The following USP35 variants were observed in gnomAD, a reference collection of about 807,000 sequenced individuals.
The protein encoded by USP35 is ubiquitin carboxyl-terminal hydrolase 35.
A neutral mutation model predicts 83.8 loss-of-function variants in USP35; 69 were observed. The ratio of observed to expected loss-of-function variants is 0.82; its 90% CI spans 0.68 to 1.01. The LOEUF is 1.01. Among genes scored for constraint, USP35 ranks in the 50% least tolerant of loss-of-function variants. The probability of loss-of-function intolerance (pLI) is 0.00; values close to 1 mark genes in which losing one functional copy is unlikely to be tolerated. For synonymous variants in USP35, 714 were observed against 589.5 expected (o/e 1.21, Z -3.06); for missense variants, 1,503 against 1,362.5 (o/e 1.10, Z -1.62).
intron 1 of USP35, among the ~76,000 whole-genome samples, chr11:78,191,166 T>C (rs199691129): frequency 1.3e-5 from 2 of 151,454 alleles, no homozygotes; most frequent in Admixed American, 6.6e-5. Context: ...TACACACACA[T>C]ACACACACAC....
At chr11:78,209,023 A>AGAG in intron 9 of USP35, 60 bp downstream of exon 9, 1 of 1,533,620 alleles carries the variant, frequency 6.5e-7, no homozygotes, top group Non-Finnish European at 9.0e-7. Context: ...GGGCAAGCCC[A>AGAG]GTACCTCTGA....
rs181915319 is a variant in USP35, at chr11:78,194,059, G to A, written c.-10-2177G>A. On this transcript the variant is annotated intron_variant, in intron 1 of 10. Transcript: ENST00000529308. ...ATCTGAGCTTGTAGCAGGTGCCCAG[G>A]TGCTTCTGAGGCATTCTGAGGCTTC... Among the ~76,000 whole-genome samples the A allele has an allele frequency of 4.9e-4, 75 of 152,174 alleles. 1 individual carries two copies. Among genetic ancestry groups the A allele is most frequent in the African/African-American group, 1.7e-3 (71 of 41,402 alleles).
rs1309933209 is a variant in USP35 at position 78,210,521 on chromosome 11, A to T, written c.2666A>T (p.Gln889Leu). ...GCCGATAGGCCAGAGCCCGAGAACCAGTGGTACCTGTTCAATGACACTCGG... is the reference window on the plus strand; with the variant it reads ...GCCGATAGGCCAGAGCCCGAGAACCTGTGGTACCTGTTCAATGACACTCGG... ...GTADRPEPEN[Q>L]WYLFNDTRVS... is the part of the protein sequence containing the mutation. The change falls in exon 10 of 11, where the codon CAG (glutamine) becomes CTG (leucine). Residue 889 changes from glutamine (Q) to leucine (L), a missense_variant. Coordinates refer to ENST00000529308, the MANE Select transcript of USP35 (RefSeq NM_020798.4). 2 of 1,613,682 alleles carry T rather than the reference A, an allele frequency of 1.2e-6. No individual in the cohort carries two copies. The highest frequency in any genetic ancestry group is 1.7e-6 in the Non-Finnish European group (2 of 1,179,698).
At chr11:78,206,150 T>C in intron 7 of USP35, 115 bp downstream of exon 7, 2 of 1,306,006 alleles carry the variant, frequency 1.5e-6, no homozygotes, top group East Asian at 2.4e-5. Context: ...TTGCTTTGCA[T>C]TGCCAGCATG....
chr11:78,201,404 C>G (rs1205111023), intron 6 of USP35, among the ~76,000 whole-genome samples: 1 of 152,234 alleles, frequency 6.6e-6, no homozygotes, highest in Non-Finnish European at 1.5e-5. Context: ...ATGAAGCAAA[C>G]GGAGTCTCCT....
At position 78,209,517 on chromosome 11, in the gene USP35, G is replaced by T. The variant is rs2510045; in HGVS notation, c.1662G>T (p.Pro554=). 295,871 of 1,613,812 alleles carry T rather than the reference G, an allele frequency of 0.18. 30,447 individuals are homozygous for T. The highest frequency in any genetic ancestry group is 0.41 in the East Asian group (18,372 of 44,856). ...QKLKQSSSPS[P]PEEPPAPSST... The stretch of plus-strand genomic sequence containing the variant: ...TCAAGCAGTCCAGCTCGCCCTCTCC[G>T]CCCGAGGAGCCCCCGGCCCCAAGTT... The change falls in exon 10 of 11, where the codon CCG becomes CCT. Residue 554 remains proline (P), a synonymous_variant. Coordinates refer to ENST00000529308, the MANE Select transcript of USP35 (RefSeq NM_020798.4).
In USP35 at chr11:78,200,242, C is replaced by G. The variant is rs1416968062; in HGVS notation, c.1038+8C>G. 6.2e-7 allele frequency: 1 copy of G among 1,613,578 alleles called. No individual in the cohort carries two copies. The highest frequency in any genetic ancestry group is 1.7e-5 in the Admixed American group (1 of 60,014). On this transcript the variant is annotated splice_region_variant and intron_variant, in intron 5 of 10. Coordinates refer to ENST00000529308, the MANE Select transcript of USP35 (RefSeq NM_020798.4). ...CACGAAGCCTTCCACCTGGTAAGGT[C>G]CCCTGCCTGCTGCCCCTGGTGAGGC...
chr11:78,201,052 C>T (rs1055118646), intron 6 of USP35, among the ~76,000 whole-genome samples: 4 of 152,220 alleles, frequency 2.6e-5, no homozygotes, highest in East Asian at 1.9e-4. Context: ...TAACCATAAA[C>T]GCTTCTCTGT....
intron 1 of USP35, among the ~76,000 whole-genome samples, chr11:78,189,530 T>G (rs1416319349): frequency 6.6e-6 from 1 of 152,124 alleles, no homozygotes; most frequent in Non-Finnish European, 1.5e-5. Flanking sequence ...CACCATTGCT[T>G]GGAATGGGCT....
Position 78,213,991 on chromosome 11 carries a change from TTCATTGGGGA to T in USP35, c.*182_*191del. The T allele has an allele frequency of 4.6e-6, 3 of 647,502 alleles. No homozygotes were observed. The highest frequency in any genetic ancestry group is 4.7e-6 in the Non-Finnish European group (2 of 427,524). The allele number at this position is 647,502 out of a possible 1,614,324, so 40.1% of individuals were successfully genotyped here. A position where few individuals can be genotyped will look rare whatever the true frequency, so the allele number is the denominator to read the frequency against. ...ATATGGAAGTAAGACCTAAGTCCCT[TTCATTGGGGA>T]TCAGTCCCATTAAAACTTTACACCC... On this transcript the variant is annotated 3_prime_UTR_variant, in exon 11 of 11. Transcript: ENST00000529308.
At chr11:78,223,617 G>A in the USP35 span, 2 of 1,613,240 alleles carry the variant, frequency 1.2e-6, no homozygotes, top group Admixed American at 1.7e-5. Context: ...CTGGATTCAT[G>A]GGCACATAGT....
chr11:78,200,889 G>C, intron 6 of USP35, 81 bp downstream of exon 6: 1 of 1,503,302 alleles, frequency 6.7e-7, no homozygotes, highest in Non-Finnish European at 8.9e-7. Context: ...CCATACCACA[G>C]CTTGGTGGCA....
chr11:78,235,454 G>A, the USP35 span, among the ~76,000 whole-genome samples: 1 of 152,092 alleles, frequency 6.6e-6, no homozygotes, highest in Non-Finnish European at 1.5e-5. Flanking sequence ...GCCCGGCTGG[G>A]TGTTTCTTTT....
At chr11:78,198,115 C>T in intron 3 of USP35, 47 bp downstream of exon 3, 5 of 1,610,354 alleles carry the variant, frequency 3.1e-6, no homozygotes, top group Non-Finnish European at 4.2e-6. Context: ...GCCCCTCCCT[C>T]TCTTCCTCTC....
At chr11:78,237,173 T>C in the USP35 span, among the ~76,000 whole-genome samples, 22 of 152,296 alleles carry the variant, frequency 1.4e-4, no homozygotes, top group East Asian at 4.0e-3. Context: ...TGGGCATAGT[T>C]TTCTAGGTAT....
chr11:78,233,902 C>G, the USP35 span, among the ~76,000 whole-genome samples: 2 of 152,234 alleles, frequency 1.3e-5, no homozygotes, highest in African/African-American at 4.8e-5. Flanking sequence ...TGGGCCACCA[C>G]GCCCAGCCCA....
chr11:78,226,488 A>C, the USP35 span: 1 of 1,613,364 alleles, frequency 6.2e-7, no homozygotes, highest in Admixed American at 1.7e-5. Context: ...GCTGTTGTCC[A>C]TTGCAGGGAG....
At chr11:78,202,354 G>T (rs985217042) in intron 6 of USP35, among the ~76,000 whole-genome samples, 1 of 152,226 alleles carries the variant, frequency 6.6e-6, no homozygotes, top group African/African-American at 2.4e-5. Context: ...TTCTGGCTTC[G>T]TCTGGGCTCT....
rs1375358016 is a variant in USP35, at chr11:78,209,671, T to TGTCGCC, written c.1818_1823dup (p.Arg609_Arg610dup). The TGTCGCC allele has an allele frequency of 6.2e-7, 1 of 1,613,848 alleles. No individual in the cohort carries two copies. Among genetic ancestry groups the TGTCGCC allele is most frequent in the East Asian group, 2.2e-5 (1 of 44,866 alleles). ...TCTCGCCTTCCCTCCTCCTGAGCGC[T>TGTCGCC]GTCGCCGCCGCCGCCTGGGCTCTGT... On this transcript the variant is annotated inframe_insertion, in exon 10 of 11. Transcript: ENST00000529308.
Sources: gnomAD v4.1 joint callset for allele counts (sites outside exome capture counted in the v4.1 genomes callset) on GRCh38, gnomAD v4.1.1 for gene constraint, MANE v1.5 for transcripts, NCBI Gene and HGNC (gene_info 2026-07-23, HGNC 2026-07-21) for gene names.